The following VWA8 variants were observed in gnomAD, a reference collection of about 807,000 sequenced individuals.
The protein encoded by VWA8 is von Willebrand factor A domain-containing protein 8.
In VWA8, 221 loss-of-function variants were observed where a neutral mutation model predicts 241.5. The observed-to-expected ratio is 0.91, with a 90% confidence interval of 0.82 to 1.02. The LOEUF is 1.02. Ranked by LOEUF, VWA8 falls within the 50% of genes least tolerant of loss-of-function variation. The probability of loss-of-function intolerance (pLI) is 0.00; values close to 1 mark genes in which losing one functional copy is unlikely to be tolerated. For synonymous variants in VWA8, 852 were observed against 827.1 expected (o/e 1.03, Z -0.52); for missense variants, 2,322 against 2,328.7 (o/e 1.00, Z 0.06).
At chr13:41,848,909 G>A (rs1424227941) in intron 12 of VWA8, among the ~76,000 whole-genome samples, 1 of 152,164 alleles carries the variant, frequency 6.6e-6, no homozygotes, top group African/African-American at 2.4e-5. Flanking sequence ...GGCTGGCTAA[G>A]GCTCCTCTTT....
chr13:41,743,482 C>T (rs1318694074), intron 21 of VWA8, among the ~76,000 whole-genome samples: 1 of 152,204 alleles, frequency 6.6e-6, no homozygotes, highest in Non-Finnish European at 1.5e-5. Flanking sequence ...GAAAGGTTGG[C>T]TATTACTTCG....
At chr13:41,777,701 A>G (rs1239458085) in intron 20 of VWA8, among the ~76,000 whole-genome samples, 2 of 152,206 alleles carry the variant, frequency 1.3e-5, no homozygotes, top group African/African-American at 4.8e-5. Flanking sequence ...TACTGCTGCA[A>G]TCCAGGTGAC....
At chr13:41,767,448 T>C (rs192922245) in intron 20 of VWA8, among the ~76,000 whole-genome samples, 3 of 152,358 alleles carry the variant, frequency 2.0e-5, no homozygotes, top group African/African-American at 7.2e-5. Context: ...AATACTATTT[T>C]ACAATGATAT....
At chr13:41,869,741 A>T (rs1213327453) in intron 9 of VWA8, among the ~76,000 whole-genome samples, 1 of 151,708 alleles carries the variant, frequency 6.6e-6, no homozygotes, top group Admixed American at 6.6e-5. Flanking sequence ...AGCTAGCTAT[A>T]TCAAAACTAC....
In VWA8 at chr13:41,617,737, G is replaced by T. The variant is rs147622710; in HGVS notation, c.4612-2653C>A. 1.5e-3 allele frequency among the ~76,000 whole-genome samples: 235 copies of T among 152,212 alleles called. 1 individual carries two copies. Among genetic ancestry groups the T allele is most frequent in the African/African-American group, 5.4e-3 (226 of 41,526 alleles). On this transcript the variant is annotated intron_variant, in intron 37 of 44. Transcript: ENST00000379310. ...TCCTACCTATGAGTGAGAACATGCA[G>T]TGTTTGGTTTTCTGTCTTTATGACA...
chr13:41,833,666 C>CG (rs1297681224), intron 12 of VWA8, 135 bp from the exon 13 acceptor site: 5 of 1,085,874 alleles, frequency 4.6e-6, no homozygotes, highest in Non-Finnish European at 6.0e-6. Context: ...AAGTCATCTT[C>CG]TCCAATTCCT....
intron 35 of VWA8, among the ~76,000 whole-genome samples, chr13:41,679,377 TA>T (rs574719727): frequency 1.3e-3 from 196 of 152,350 alleles, no homozygotes; most frequent in Non-Finnish European, 2.4e-3. Context: ...TAATTTGATG[TA>T]CACCTATTAA....
At chr13:41,866,220 G>A (rs545619476) in intron 10 of VWA8, among the ~76,000 whole-genome samples, 184 bp from the exon 11 acceptor site, 6 of 152,110 alleles carry the variant, frequency 3.9e-5, no homozygotes, top group African/African-American at 7.2e-5. Flanking sequence ...ATGGTGGTGC[G>A]CAACTGTGAT....
chr13:41,927,426 C>G (rs376127686), intron 2 of VWA8: 13 of 414,918 alleles, frequency 3.1e-5, no homozygotes, highest in African/African-American at 2.2e-4. Context: ...CAAGGGAATT[C>G]TTGTGTGTTG....
rs1292620752 is a variant in VWA8 at position 41,739,831 on chromosome 13, TTTTTTTTGTTTTTTTTGTTTTTTTTG to T, written c.2427-7702_2427-7677del. 4.8e-3 allele frequency among the ~76,000 whole-genome samples: 272 copies of T among 56,360 alleles called. 6 individuals carry two copies. The highest frequency in any genetic ancestry group is 0.016 in the South Asian group (27 of 1,694). The allele number at this position is 56,360 out of a possible 152,430, so 37.0% of individuals were successfully genotyped here. Reference sequence around the variant, plus strand: ...TTCCAGTATCATTGTTTTTTTGTTTTTTTTTTTGTTTTTTTTGTTTTTTTTGTTTTTTTTTTTTTTTGAGACAGAGT... The same window carrying T: ...TTCCAGTATCATTGTTTTTTTGTTTTTTTTTTTTTTTTTTTGAGACAGAGT... On this transcript the variant is annotated intron_variant, in intron 21 of 44. Coordinates refer to ENST00000379310, the MANE Select transcript of VWA8 (RefSeq NM_015058.2).
intron 3 of VWA8, among the ~76,000 whole-genome samples, chr13:41,910,523 G>A (rs1239247072): frequency 6.6e-6 from 1 of 151,478 alleles, no homozygotes; most frequent in East Asian, 1.9e-4. Flanking sequence ...GGCAAAGGTT[G>A]CAGTGAGCCA....
intron 2 of VWA8, among the ~76,000 whole-genome samples, chr13:41,935,569 A>G (rs1877309623): frequency 6.6e-6 from 1 of 152,088 alleles, no homozygotes; most frequent in Non-Finnish European, 1.5e-5. Flanking sequence ...CAAATGTAGT[A>G]CATACTTACT....
chr13:41,868,544 G>T, intron 9 of VWA8, 67 bp from the exon 10 acceptor site: 1 of 1,495,380 alleles, frequency 6.7e-7, no homozygotes, highest in Non-Finnish European at 9.0e-7. Flanking sequence ...CTATCTGACA[G>T]ATTACACCTT....
At chr13:41,907,735 C>A in intron 3 of VWA8, 39 bp from the exon 4 acceptor site, 2 of 1,569,678 alleles carry the variant, frequency 1.3e-6, no homozygotes, top group South Asian at 2.2e-5. Flanking sequence ...AAAATAAAAT[C>A]AAATTTCCAG....
chr13:41,688,290 T>C (rs142302470), intron 34 of VWA8, among the ~76,000 whole-genome samples: 3 of 152,230 alleles, frequency 2.0e-5, no homozygotes, highest in Admixed American at 2.0e-4. Context: ...CATACAAAAT[T>C]GGAGTACCGT....
At chr13:41,872,745 C>T (rs982185133) in intron 9 of VWA8, among the ~76,000 whole-genome samples, 1 of 152,086 alleles carries the variant, frequency 6.6e-6, no homozygotes. Flanking sequence ...TAGTGTGATG[C>T]CTCCAGCTTT....
chr13:41,649,960 G>A (rs1163831735), intron 37 of VWA8, among the ~76,000 whole-genome samples: 1 of 152,134 alleles, frequency 6.6e-6, no homozygotes, highest in African/African-American at 2.4e-5. Flanking sequence ...TCCTTGGATT[G>A]TTCATTGTAA....
At chr13:41,795,035 A>T (rs1330145951) in intron 17 of VWA8, among the ~76,000 whole-genome samples, 2 of 152,118 alleles carry the variant, frequency 1.3e-5, no homozygotes, top group African/African-American at 2.4e-5. Flanking sequence ...TGGGAAAAAA[A>T]TTTTGCAATC....
At chr13:41,710,033 C>A (rs544802886) in intron 26 of VWA8, among the ~76,000 whole-genome samples, 12 of 152,234 alleles carry the variant, frequency 7.9e-5, no homozygotes, top group African/African-American at 2.9e-4. Context: ...CTTTATAATT[C>A]ATACTCCCTA....
Sources: gnomAD v4.1 joint callset for allele counts (sites outside exome capture counted in the v4.1 genomes callset) on GRCh38, gnomAD v4.1.1 for gene constraint, MANE v1.5 for transcripts, NCBI Gene and HGNC (gene_info 2026-07-23, HGNC 2026-07-21) for gene names.